Variants in ZBTB20 observed in about 807,000 individuals in gnomAD.
The protein encoded by ZBTB20 is zinc finger and BTB domain-containing protein 20.
A neutral mutation model predicts 56.9 loss-of-function variants in ZBTB20; 9 were observed. The observed-to-expected ratio is 0.16, with a 90% CI of 0.10 to 0.28. The LOEUF is 0.28. Ranked by LOEUF, ZBTB20 falls within the 10% of genes least tolerant of loss-of-function variation. The pLI, the probability that ZBTB20 is intolerant of heterozygous loss-of-function variation, is 1.00. For synonymous variants in ZBTB20, 417 were observed against 420.7 expected (o/e 0.99, Z 0.11); for missense variants, 655 against 1,003.0 (o/e 0.65, Z 4.69).
rs1191652633 is a variant in ZBTB20 at position 114,319,611 on chromosome 3, C to G, written c.*19394G>C. The G allele has an allele frequency of 6.6e-6, 1 of 152,058 alleles. No individual in the cohort carries two copies. The highest frequency in any genetic ancestry group is 1.5e-5 in the Non-Finnish European group (1 of 68,008). The allele number at this position is 152,058 out of a possible 1,614,324, so 9.4% of individuals were successfully genotyped here. On this transcript the variant is annotated 3_prime_UTR_variant, in exon 12 of 12. Coordinates refer to ENST00000675478, the MANE Select transcript of ZBTB20 (RefSeq NM_001348800.3). ...ATGTTGACGAAGGGAGATCAGGTTT[C>G]AAGATTGGATTCAAGAGCTTCTTTA...
At chr3:114,494,929 A>T (rs375149027) in intron 7 of ZBTB20, among the ~76,000 whole-genome samples, 1 of 152,186 alleles carries the variant, frequency 6.6e-6, no homozygotes, top group African/African-American at 2.4e-5. Flanking sequence ...ACACTTTGGT[A>T]TATGATTTTG....
intron 2 of ZBTB20, among the ~76,000 whole-genome samples, chr3:115,005,351 C>A (rs1481461863): frequency 6.6e-6 from 1 of 151,172 alleles, no homozygotes. Flanking sequence ...TTTTTAATGA[C>A]CCCAAATATA....
chr3:114,451,201 A>G (rs1366578582), intron 7 of ZBTB20, among the ~76,000 whole-genome samples: 1 of 89,048 alleles, frequency 1.1e-5, no homozygotes, highest in Non-Finnish European at 2.8e-5. Flanking sequence ...TTAACAGAGG[A>G]TGCCAAAAAA....
intron 4 of ZBTB20, among the ~76,000 whole-genome samples, chr3:114,848,463 C>T (rs2074826049): frequency 6.6e-6 from 1 of 152,182 alleles, no homozygotes. Flanking sequence ...CTGTGAGAAC[C>T]TCTGTGCCCC....
rs34232155 is a variant in ZBTB20 at position 114,688,390 on chromosome 3, G to GAA, written c.-295+5136_-295+5137dup. On this transcript the variant is annotated intron_variant, in intron 6 of 11. Transcript: ENST00000675478. The stretch of plus-strand genomic sequence containing the variant: ...ATCCTCTGAATCTAAAATAAAAGTT[G>GAA]AAAAAAAAAAAAAAGAAATTTGTAA... 185 of 138,266 alleles carry GAA rather than the reference G, an allele frequency of 1.3e-3. 1 individual carries two copies. The highest frequency in any genetic ancestry group is 0.013 in the South Asian group (55 of 4,398). 8.6% of individuals were successfully genotyped at this position (138,266 alleles called of 1,614,324 possible).
At chr3:114,582,520 C>A (rs144254411) in intron 6 of ZBTB20, among the ~76,000 whole-genome samples, 21 of 152,052 alleles carry the variant, frequency 1.4e-4, no homozygotes, top group African/African-American at 4.1e-4. Flanking sequence ...GAGTAGCTTA[C>A]AGGCACGTGC....
At chr3:115,112,788 T>C (rs2083915384) in intron 1 of ZBTB20, among the ~76,000 whole-genome samples, 1 of 152,194 alleles carries the variant, frequency 6.6e-6, no homozygotes, top group African/African-American at 2.4e-5. Flanking sequence ...TCCTTTGATA[T>C]ACTGATTTCT....
At chr3:114,512,176 T>C (rs892363670) in intron 6 of ZBTB20, among the ~76,000 whole-genome samples, 3 of 152,148 alleles carry the variant, frequency 2.0e-5, no homozygotes, top group Admixed American at 6.5e-5. Flanking sequence ...GATAGGAATA[T>C]GAATGGGGAC....
At chr3:114,529,246 A>G (rs1198223574) in intron 6 of ZBTB20, 1 of 152,136 alleles carries the variant, frequency 6.6e-6, no homozygotes, top group Non-Finnish European at 1.5e-5. Context: ...GTTCCTGTGT[A>G]ATCATTGCTC....
chr3:114,346,399 G>A (rs576836561), intron 11 of ZBTB20, among the ~76,000 whole-genome samples: 28 of 151,850 alleles, frequency 1.8e-4, no homozygotes, highest in South Asian at 6.2e-4. Flanking sequence ...TGCATCATAC[G>A]TTTACATCAA....
rs188651391 is a variant in ZBTB20 at position 115,113,800 on chromosome 3, G to A, written c.-703+33419C>T. On this transcript the variant is annotated intron_variant, in intron 1 of 11. Transcript: ENST00000675478. ...AGCAGCGGCAGCATAATACTTATAG[G>A]CTCTGGATAACAAAACTTTCCCTTG... is the stretch of plus-strand genomic sequence containing the variant. 2.3e-3 allele frequency among the ~76,000 whole-genome samples: 355 copies of A among 152,186 alleles called. 2 individuals carry two copies. Among genetic ancestry groups the A allele is most frequent in the African/African-American group, 8.4e-3 (349 of 41,486 alleles).
At position 114,863,140 on chromosome 3, in the gene ZBTB20, T is replaced by C. The variant is rs1033701111; in HGVS notation, c.-417+37164A>G. 2.6e-5 allele frequency among the ~76,000 whole-genome samples: 4 copies of C among 152,242 alleles called. No individual in the cohort carries two copies. In the East Asian group the frequency reaches 7.7e-4, roughly 29 times the overall value. ...CTAAGGCTTCAATTACTTGGTTTTC[T>C]TCTGAGTAGCCAGGAGGACATTATA... On this transcript the variant is annotated intron_variant, in intron 4 of 11. Coordinates refer to ENST00000675478, the MANE Select transcript of ZBTB20 (RefSeq NM_001348800.3).
chr3:114,609,693 G>A (rs1208806460), intron 6 of ZBTB20, among the ~76,000 whole-genome samples: 1 of 152,108 alleles, frequency 6.6e-6, no homozygotes, highest in Non-Finnish European at 1.5e-5. Flanking sequence ...ATTTTTTCCT[G>A]CTGGGAGACA....
intron 7 of ZBTB20, among the ~76,000 whole-genome samples, chr3:114,420,040 T>G (rs2088993206): frequency 6.6e-6 from 1 of 152,138 alleles, no homozygotes; most frequent in African/African-American, 2.4e-5. Context: ...AATGGACTTC[T>G]CCTTGTAAAC....
At chr3:115,135,862 C>T (rs563151360) in intron 1 of ZBTB20, among the ~76,000 whole-genome samples, 1 of 151,942 alleles carries the variant, frequency 6.6e-6, no homozygotes, top group African/African-American at 2.4e-5. Context: ...ATAATTAAAC[C>T]TATTTTTTAA....
intron 1 of ZBTB20, among the ~76,000 whole-genome samples, chr3:115,073,583 C>T (rs1431817714): frequency 6.6e-6 from 1 of 152,008 alleles, no homozygotes; most frequent in East Asian, 1.9e-4. Context: ...AGTGCTGTAC[C>T]ATTCAATGGC....
At chr3:114,585,969 T>C (rs1219906668) in intron 6 of ZBTB20, among the ~76,000 whole-genome samples, 4 of 152,220 alleles carry the variant, frequency 2.6e-5, no homozygotes, top group Non-Finnish European at 5.9e-5. Context: ...GTTTGTTCCA[T>C]ACTTTCCATC....
chr3:115,105,337 G>A (rs1345782528), intron 1 of ZBTB20, among the ~76,000 whole-genome samples: 3 of 152,166 alleles, frequency 2.0e-5, no homozygotes, highest in Admixed American at 2.0e-4. Context: ...GAAGAAAAAA[G>A]AGAGATTAAG....
At chr3:114,550,557 G>A (rs1034105481) in intron 6 of ZBTB20, among the ~76,000 whole-genome samples, 1 of 152,158 alleles carries the variant, frequency 6.6e-6, no homozygotes, top group Admixed American at 6.5e-5. Flanking sequence ...AAGTTAATAA[G>A]TGCATTGTTT....
Sources: gnomAD v4.1 joint callset for allele counts (sites outside exome capture counted in the v4.1 genomes callset) on GRCh38, gnomAD v4.1.1 for gene constraint, MANE v1.5 for transcripts, NCBI Gene and HGNC (gene_info 2026-07-23, HGNC 2026-07-21) for gene names.